PXDNL: variants seen among roughly 807,000 people sequenced by gnomAD.
PXDNL encodes the protein probable oxidoreductase PXDNL.
In PXDNL, 145 loss-of-function variants were observed where a neutral mutation model predicts 150.8. The observed-to-expected ratio is 0.96, with a 90% confidence interval of 0.84 to 1.10. The LOEUF (loss-of-function observed/expected upper bound fraction) is 1.10. Ranked by LOEUF, PXDNL falls within the 50% of genes least tolerant of loss-of-function variation. The pLI is 0.00. For missense variants in PXDNL, 2,087 were observed against 1,873.9 expected, an observed-to-expected ratio of 1.11 and a Z score of -2.10; for synonymous variants, 757 against 725.7, an observed-to-expected ratio of 1.04 and a Z score of -0.69.
intron 1 of PXDNL, among the ~76,000 whole-genome samples, chr8:51,722,411 T>C (rs12549383): frequency 0.15 from 22,277 of 152,244 alleles, 2,010 homozygotes; most frequent in Non-Finnish European, 0.2. Flanking sequence ...AGTGGGCACA[T>C]GTCACAGTGC....
intron 1 of PXDNL, among the ~76,000 whole-genome samples, chr8:51,790,597 C>T (rs963475117): frequency 5.9e-5 from 9 of 152,074 alleles, no homozygotes; most frequent in Admixed American, 5.2e-4. Flanking sequence ...TCCAGGATCC[C>T]TTTCTTCCCT....
intron 4 of PXDNL, among the ~76,000 whole-genome samples, chr8:51,511,485 G>C (rs940176777): frequency 6.6e-6 from 1 of 152,182 alleles, no homozygotes; most frequent in Non-Finnish European, 1.5e-5. Flanking sequence ...TGGACAACTT[G>C]GTTGGTGCTG....
chr8:51,604,680 C>T (rs1041962545), intron 2 of PXDNL, among the ~76,000 whole-genome samples: 12 of 152,208 alleles, frequency 7.9e-5, no homozygotes, highest in Admixed American at 5.9e-4. Flanking sequence ...AACATTTGCC[C>T]ATAAATTTAG....
At chr8:51,782,858 T>C (rs1358560838) in intron 1 of PXDNL, among the ~76,000 whole-genome samples, 2 of 152,242 alleles carry the variant, frequency 1.3e-5, no homozygotes, top group African/African-American at 4.8e-5. Flanking sequence ...CTTATGAATG[T>C]CCTGAATATG....
At chr8:51,324,790 G>A (rs971336012) in intron 21 of PXDNL, among the ~76,000 whole-genome samples, 8 of 152,140 alleles carry the variant, frequency 5.3e-5, no homozygotes, top group South Asian at 4.2e-4. Context: ...TTCCCTTTGT[G>A]TCTTGTATTA....
At chr8:51,636,454 T>C (rs1814604810) in intron 2 of PXDNL, among the ~76,000 whole-genome samples, 1 of 152,112 alleles carries the variant, frequency 6.6e-6, no homozygotes, top group African/African-American at 2.4e-5. Flanking sequence ...ATCTCAAAGA[T>C]TTCAGAAAAT....
intron 19 of PXDNL, among the ~76,000 whole-genome samples, chr8:51,361,937 C>CGCAAAA (rs1806756236): frequency 1.7e-5 from 1 of 58,052 alleles, no homozygotes; most frequent in African/African-American, 7.0e-5. Context: ...GATTCCATCT[C>CGCAAAA]AAAAAAAAAA....
At chr8:51,568,153 AAAT>A (rs1012113714) in intron 3 of PXDNL, among the ~76,000 whole-genome samples, 4 of 151,034 alleles carry the variant, frequency 2.6e-5, no homozygotes, top group African/African-American at 9.8e-5. Context: ...TTATATCAAT[AAAT>A]AATAAAAAAT....
At position 51,426,697 on chromosome 8, in the gene PXDNL, G is replaced by A. The variant is rs747965591; in HGVS notation, c.1587C>T (p.Asn529=). ...GTTCTCCTTGAGCATGACATGAAATGTTTATATTCTTTCCAACCTCGACAC... is the reference window on the plus strand; with the variant it reads ...GTTCTCCTTGAGCATGACATGAAATATTTATATTCTTTCCAACCTCGACAC... ...DTSVEVGKNI[N]ISCHAQGEPQ... Residue 529 remains asparagine (N), a synonymous_variant, in exon 13 of 23, where the codon AAC becomes AAT. Coordinates refer to ENST00000356297, the MANE Select transcript of PXDNL (RefSeq NM_144651.5). The A allele has an allele frequency of 2.5e-6, 4 of 1,609,130 alleles. No individual in the cohort carries two copies. The highest frequency in any genetic ancestry group is 1.1e-5 in the South Asian group (1 of 89,958).
chr8:51,679,617 T>C (rs1815699192), intron 1 of PXDNL, among the ~76,000 whole-genome samples: 1 of 152,220 alleles, frequency 6.6e-6, no homozygotes, highest in African/African-American at 2.4e-5. Flanking sequence ...CCTTTTTATT[T>C]AATGTGGTCA....
rs117430315 is a variant in PXDNL at position 51,681,970 on chromosome 8, C to T, written c.165-27210G>A. Among the ~76,000 whole-genome samples the T allele has an allele frequency of 1.5e-3, 232 of 152,186 alleles. 2 individuals are homozygous for T. Among genetic ancestry groups the T allele is most frequent in the Admixed American group, 0.011 (175 of 15,274 alleles). On this transcript the variant is annotated intron_variant, in intron 1 of 22. Transcript: ENST00000356297. ...ATATATTTCATAATGTACTAGTATA[C>T]GCTCATTGTAAAAATATTTAAAAAT...
chr8:51,398,260 G>T (rs1808145282), intron 17 of PXDNL, among the ~76,000 whole-genome samples: 1 of 152,208 alleles, frequency 6.6e-6, no homozygotes, highest in Admixed American at 6.5e-5. Context: ...ACAGCAAGGT[G>T]CAGCTGCACT....
intron 1 of PXDNL, among the ~76,000 whole-genome samples, chr8:51,712,293 T>TA (rs1230613916): frequency 1.3e-5 from 2 of 151,976 alleles, no homozygotes; most frequent in Admixed American, 6.6e-5. Flanking sequence ...TGTGTTTATC[T>TA]AAAAAAAACT....
chr8:51,654,229 T>C (rs956713139), intron 2 of PXDNL, among the ~76,000 whole-genome samples: 1 of 152,254 alleles, frequency 6.6e-6, no homozygotes, highest in Non-Finnish European at 1.5e-5. Flanking sequence ...ATGATATGTT[T>C]TCATTTAAGA....
intron 5 of PXDNL, among the ~76,000 whole-genome samples, chr8:51,483,991 A>T (rs1176920880): frequency 6.6e-6 from 1 of 152,224 alleles, no homozygotes; most frequent in Non-Finnish European, 1.5e-5. Flanking sequence ...AGAAATACAT[A>T]AAAATAAATA....
intron 4 of PXDNL, 121 bp from the exon 5 acceptor site, chr8:51,499,891 C>G: frequency 1.5e-6 from 1 of 647,030 alleles, no homozygotes. Flanking sequence ...CACTATATAT[C>G]ACATACAAAA....
chr8:51,606,751 A>G (rs1813844171), intron 2 of PXDNL, among the ~76,000 whole-genome samples: 1 of 151,682 alleles, frequency 6.6e-6, no homozygotes. Flanking sequence ...ATTCTAATGT[A>G]TAACCAATAT....
chr8:51,776,360 G>A (rs112538255), intron 1 of PXDNL, among the ~76,000 whole-genome samples: 6 of 152,040 alleles, frequency 3.9e-5, no homozygotes, highest in South Asian at 2.1e-4. Flanking sequence ...CTGGTTTTGC[G>A]GGTTGGGGGG....
intron 5 of PXDNL, among the ~76,000 whole-genome samples, chr8:51,498,380 A>G (rs961420694): frequency 1.3e-5 from 2 of 152,102 alleles, no homozygotes; most frequent in Non-Finnish European, 2.9e-5. Flanking sequence ...ATGTATACAT[A>G]TGTAACTAAC....
Sources: gnomAD v4.1 joint callset for allele counts (sites outside exome capture counted in the v4.1 genomes callset) on GRCh38, gnomAD v4.1.1 for gene constraint, MANE v1.5 for transcripts, NCBI Gene and HGNC (gene_info 2026-07-23, HGNC 2026-07-21) for gene names.